The following GPHN variants were observed in gnomAD, a reference collection of about 807,000 sequenced individuals.
The protein encoded by GPHN is gephyrin.
A neutral mutation model predicts 95.5 loss-of-function variants in GPHN; 17 were observed. The observed-to-expected ratio is 0.18, with a 90% confidence interval of 0.12 to 0.27. GPHN has a LOEUF of 0.27. GPHN is among the 10% of genes least tolerant of loss of function. GPHN has a pLI of 1.00. For missense variants in GPHN, 660 were observed against 978.1 expected (o/e 0.67, Z 4.34); for synonymous variants, 320 against 322.5 (o/e 0.99, Z 0.08).
intron 12 of GPHN, among the ~76,000 whole-genome samples, chr14:67,090,166 G>A (rs934741935): frequency 1.3e-5 from 2 of 152,056 alleles, no homozygotes; most frequent in African/African-American, 4.8e-5. Flanking sequence ...GTTTATCAGA[G>A]CTGTTAAGCA....
At chr14:66,956,950 T>C (rs1187799230) in intron 8 of GPHN, among the ~76,000 whole-genome samples, 1 of 111,626 alleles carries the variant, frequency 9.0e-6, no homozygotes, top group Non-Finnish European at 1.7e-5. Context: ...AATATCACAC[T>C]CTGGGGACTG....
chr14:66,540,158 C>T (rs979139427), intron 1 of GPHN, among the ~76,000 whole-genome samples: 2 of 152,166 alleles, frequency 1.3e-5, no homozygotes, highest in Admixed American at 1.3e-4. Context: ...TGCTCGTGCT[C>T]CACATATCTT....
chr14:66,647,147 C>G lies in GPHN; in HGVS notation c.65-33960C>G, dbSNP rs1169077057. ...TCTTGAATTCCTGGTCTCAGGTCATCTTCCTGCCTTGGCCCCCCAAAGTTC... is the reference window on the plus strand; with the variant it reads ...TCTTGAATTCCTGGTCTCAGGTCATGTTCCTGCCTTGGCCCCCCAAAGTTC... On this transcript the variant is annotated intron_variant, in intron 1 of 22. Transcript: ENST00000478722. Among the ~76,000 whole-genome samples the G allele has an allele frequency of 4.6e-5, 7 of 150,802 alleles. No homozygotes were observed. The East Asian group carries it at 9.8e-4, about 21-fold the overall frequency.
intron 18 of GPHN, among the ~76,000 whole-genome samples, chr14:67,155,636 T>C (rs1426282512): frequency 6.6e-6 from 1 of 151,934 alleles, no homozygotes; most frequent in Non-Finnish European, 1.5e-5. Context: ...AAAAGACAAA[T>C]GGGATGTGGT....
chr14:66,720,572 A>G (rs190534820), intron 2 of GPHN, among the ~76,000 whole-genome samples: 1 of 152,220 alleles, frequency 6.6e-6, no homozygotes, highest in South Asian at 2.1e-4. Context: ...ATTAGCATTC[A>G]TTTGTTAAAG....
At chr14:66,525,669 G>A (rs1266139601) in intron 1 of GPHN, among the ~76,000 whole-genome samples, 2 of 152,072 alleles carry the variant, frequency 1.3e-5, no homozygotes, top group Admixed American at 6.6e-5. Flanking sequence ...TAATTTTTGT[G>A]TAAGGTGTAA....
chr14:66,683,853 T>A (rs1293105989), intron 2 of GPHN, among the ~76,000 whole-genome samples: 1 of 151,680 alleles, frequency 6.6e-6, no homozygotes, highest in Non-Finnish European at 1.5e-5. Flanking sequence ...GGCGGGCACC[T>A]GTAGTCCCAG....
At chr14:66,995,797 T>C (rs1303833859) in intron 9 of GPHN, among the ~76,000 whole-genome samples, 1 of 152,192 alleles carries the variant, frequency 6.6e-6, no homozygotes, top group Non-Finnish European at 1.5e-5. Flanking sequence ...ACGTGTATGG[T>C]AGAGTTATTC....
intron 1 of GPHN, among the ~76,000 whole-genome samples, chr14:66,645,622 G>A (rs2153358152): frequency 6.6e-6 from 1 of 151,142 alleles, no homozygotes; most frequent in South Asian, 2.1e-4. Flanking sequence ...AATCTGGGAG[G>A]CGGAGGTTGC....
chr14:67,568,240 T>C, the GPHN span, among the ~76,000 whole-genome samples: 1 of 152,142 alleles, frequency 6.6e-6, no homozygotes, highest in East Asian at 1.9e-4. Context: ...GTGGTACATA[T>C]ACACCATGGA....
At chr14:67,212,965 T>C in the GPHN span, among the ~76,000 whole-genome samples, 1 of 151,776 alleles carries the variant, frequency 6.6e-6, no homozygotes, top group Non-Finnish European at 1.5e-5. Flanking sequence ...GGTTTCTATA[T>C]GAGTTGTTCT....
the GPHN span, chr14:67,570,332 T>TA: frequency 3.7e-4 from 386 of 1,055,506 alleles, 2 homozygotes; most frequent in South Asian, 6.2e-3. Flanking sequence ...CTTCTAGAAT[T>TA]ACTGAGGTAT....
At chr14:66,882,535 C>G (rs1367789427) in intron 5 of GPHN, among the ~76,000 whole-genome samples, 1 of 151,824 alleles carries the variant, frequency 6.6e-6, no homozygotes, top group Non-Finnish European at 1.5e-5. Flanking sequence ...AACATCATCT[C>G]TGAAGACAGA....
At chr14:66,527,907 A>G (rs1357713862) in intron 1 of GPHN, among the ~76,000 whole-genome samples, 1 of 152,174 alleles carries the variant, frequency 6.6e-6, no homozygotes, top group Non-Finnish European at 1.5e-5. Context: ...ATTTTAGAGT[A>G]AGTGTGATGT....
chr14:67,072,150 G>A (rs1341024222), intron 11 of GPHN, among the ~76,000 whole-genome samples: 1 of 151,956 alleles, frequency 6.6e-6, no homozygotes, highest in African/African-American at 2.4e-5. Flanking sequence ...ATTACATGAG[G>A]ATTCAGAATG....
At chr14:66,666,816 C>T (rs1207297186) in intron 1 of GPHN, among the ~76,000 whole-genome samples, 2 of 152,114 alleles carry the variant, frequency 1.3e-5, no homozygotes, top group African/African-American at 2.4e-5. Context: ...AAATAAAGGG[C>T]ATTCAAATAA....
the GPHN span, chr14:67,471,115 C>T: frequency 2.6e-5 from 4 of 152,300 alleles, no homozygotes; most frequent in African/African-American, 9.7e-5. Context: ...GGAGCAGAAA[C>T]ACAATGCTGG....
At chr14:67,614,550 G>C in the GPHN span, among the ~76,000 whole-genome samples, 3 of 151,680 alleles carry the variant, frequency 2.0e-5, no homozygotes, top group Non-Finnish European at 4.4e-5. Context: ...GATCGCTTGA[G>C]CCCAGGAGTT....
At chr14:67,195,329 T>G in the GPHN span, among the ~76,000 whole-genome samples, 1 of 152,176 alleles carries the variant, frequency 6.6e-6, no homozygotes, top group Non-Finnish European at 1.5e-5. Context: ...CTCTGTGTCC[T>G]GAATCCACAG....
Sources: allele counts gnomAD v4.1 joint callset (sites outside exome capture counted in the v4.1 genomes callset), GRCh38; gene constraint gnomAD v4.1.1; transcripts MANE v1.5; gene names NCBI Gene and HGNC (gene_info 2026-07-23, HGNC 2026-07-21).